Variants in SLC2A9 observed in about 807,000 individuals in gnomAD.
The protein encoded by SLC2A9 is solute carrier family 2 member 9, also known as solute carrier family 2, facilitated glucose transporter member 9.
In SLC2A9, 39 loss-of-function variants were observed where a neutral mutation model predicts 50.6. That is an observed-to-expected ratio of 0.77 (90% CI 0.60 to 1.01). SLC2A9 has a LOEUF of 1.01. Ranked by LOEUF, SLC2A9 falls within the 50% of genes least tolerant of loss-of-function variation. SLC2A9 has a pLI of 0.00. For synonymous variants in SLC2A9, 324 were observed against 276.9 expected, an observed-to-expected ratio of 1.17 and a Z score of -1.69; for missense variants, 686 against 677.6, an observed-to-expected ratio of 1.01 and a Z score of -0.14.
chr4:9,867,903 G>T (rs962708875), intron 10 of SLC2A9, among the ~76,000 whole-genome samples: 1 of 152,158 alleles, frequency 6.6e-6, no homozygotes, highest in Non-Finnish European at 1.5e-5. Flanking sequence ...ATTCACACAT[G>T]CAACTCACAT....
intron 6 of SLC2A9, among the ~76,000 whole-genome samples, chr4:9,936,238 A>C (rs928026927): frequency 6.6e-6 from 1 of 152,180 alleles, no homozygotes; most frequent in African/African-American, 2.4e-5. Context: ...ATGCCTTTAT[A>C]AAAGAGAATT....
intron 10 of SLC2A9, among the ~76,000 whole-genome samples, chr4:9,851,660 G>A (rs1729949668): frequency 6.6e-6 from 1 of 152,072 alleles, no homozygotes; most frequent in Non-Finnish European, 1.5e-5. Context: ...AAACCCCCAA[G>A]GAATCTAAGG....
At chr4:9,913,330 T>TGTGTGTGTGAGA (rs1491090035) in intron 7 of SLC2A9, among the ~76,000 whole-genome samples, 2 of 88,730 alleles carry the variant, frequency 2.3e-5, no homozygotes, top group African/African-American at 4.6e-5. Flanking sequence ...TGTGTGTGTG[T>TGTGTGTGTGAGA]GAGAGAGAGA....
At chr4:9,864,059 G>T (rs1398223340) in intron 10 of SLC2A9, among the ~76,000 whole-genome samples, 1 of 151,932 alleles carries the variant, frequency 6.6e-6, no homozygotes, top group Non-Finnish European at 1.5e-5. Flanking sequence ...CTGTCTTGTG[G>T]CTTCCCAAGA....
At chr4:9,986,084 T>C (rs1018380503) in intron 3 of SLC2A9, among the ~76,000 whole-genome samples, 11 of 152,248 alleles carry the variant, frequency 7.2e-5, no homozygotes, top group Non-Finnish European at 1.6e-4. Flanking sequence ...AAGTCAGTGG[T>C]CATCTTACAA....
chr4:10,017,579 G>A (rs1056421043), intron 2 of SLC2A9, among the ~76,000 whole-genome samples: 11 of 152,226 alleles, frequency 7.2e-5, no homozygotes, highest in African/African-American at 2.7e-4. Context: ...GCTTAGATCC[G>A]TGAGGCACCT....
chr4:9,908,482 T>C, intron 7 of SLC2A9, 137 bp from the exon 8 acceptor site: 1 of 492,520 alleles, frequency 2.0e-6, no homozygotes, highest in Non-Finnish European at 3.7e-6. Flanking sequence ...ATGCTCATTT[T>C]TCATTTTCAT....
At chr4:9,936,194 G>A (rs143101762) in intron 6 of SLC2A9, among the ~76,000 whole-genome samples, 275 of 152,352 alleles carry the variant, frequency 1.8e-3, no homozygotes, top group African/African-American at 6.3e-3. Flanking sequence ...GAGGTGATCA[G>A]GTCGGGGGTG....
At chr4:9,983,565 G>A (rs1423626494) in intron 4 of SLC2A9, among the ~76,000 whole-genome samples, 1 of 152,128 alleles carries the variant, frequency 6.6e-6, no homozygotes, top group African/African-American at 2.4e-5. Context: ...AAACACAGGC[G>A]TGAGACCATC....
intron 6 of SLC2A9, among the ~76,000 whole-genome samples, chr4:9,925,259 T>C (rs1295290892): frequency 6.6e-6 from 1 of 152,200 alleles, no homozygotes; most frequent in Non-Finnish European, 1.5e-5. Context: ...TTACATCTTT[T>C]GGAGACCTTC....
At chr4:9,968,600 C>T (rs957677113) in intron 5 of SLC2A9, among the ~76,000 whole-genome samples, 18 of 152,158 alleles carry the variant, frequency 1.2e-4, no homozygotes, top group African/African-American at 3.9e-4. Flanking sequence ...TTACTAAGAG[C>T]CATATATCCC....
intron 6 of SLC2A9, among the ~76,000 whole-genome samples, chr4:9,928,157 A>G (rs190668423): frequency 1.3e-5 from 2 of 152,346 alleles, no homozygotes; most frequent in African/African-American, 4.8e-5. Context: ...AGGTAAAACT[A>G]ACAACTCCCA....
intron 5 of SLC2A9, among the ~76,000 whole-genome samples, chr4:9,962,017 T>C (rs1051021455): frequency 6.6e-6 from 1 of 152,230 alleles, no homozygotes; most frequent in Admixed American, 6.5e-5. Flanking sequence ...CACAGTGAGA[T>C]ACCAATCTCA....
At chr4:9,885,379 C>T (rs1015437994) in intron 10 of SLC2A9, among the ~76,000 whole-genome samples, 3 of 152,162 alleles carry the variant, frequency 2.0e-5, no homozygotes, top group African/African-American at 7.2e-5. Context: ...AATCCTTTTG[C>T]TCCATGCAAT....
intron 5 of SLC2A9, among the ~76,000 whole-genome samples, chr4:9,965,718 T>A (rs910449640): frequency 6.6e-6 from 1 of 152,254 alleles, no homozygotes; most frequent in Non-Finnish European, 1.5e-5. Context: ...GTTTATGGTA[T>A]CTGTTTTTAC....
intron 5 of SLC2A9, among the ~76,000 whole-genome samples, chr4:9,961,975 T>C (rs1411806060): frequency 6.6e-6 from 1 of 152,180 alleles, no homozygotes; most frequent in African/African-American, 2.4e-5. Context: ...AAGCTCAACA[T>C]CACTGATCAT....
chr4:9,839,876 A>G (rs2109201429), intron 10 of SLC2A9, among the ~76,000 whole-genome samples: 1 of 152,258 alleles, frequency 6.6e-6, no homozygotes, highest in East Asian at 1.9e-4. Flanking sequence ...ACAAATAGGT[A>G]CTAGGCTTGG....
downstream of SLC2A9, chr4:9,771,094 T>C (rs1363684192): frequency 6.1e-6 from 1 of 163,294 alleles, no homozygotes; most frequent in African/African-American, 2.4e-5. Flanking sequence ...GGGTGGTGTT[T>C]ATAAACCACA....
At chr4:10,010,521 C>G (rs1293186366) in intron 2 of SLC2A9, among the ~76,000 whole-genome samples, 2 of 152,162 alleles carry the variant, frequency 1.3e-5, no homozygotes, top group East Asian at 3.8e-4. Flanking sequence ...AACGGCTGTG[C>G]TCTTAACCTG....
Sources: allele counts gnomAD v4.1 joint callset (sites outside exome capture counted in the v4.1 genomes callset), GRCh38; gene constraint gnomAD v4.1.1; transcripts MANE v1.5; gene names NCBI Gene and HGNC (gene_info 2026-07-23, HGNC 2026-07-21).